Variants in PXDNL observed in about 807,000 individuals in gnomAD.
PXDNL encodes probable oxidoreductase PXDNL.
PXDNL carries 145 observed loss-of-function variants against 150.8 expected under a neutral mutation model. The observed-to-expected ratio is 0.96, with a 90% CI of 0.84 to 1.10. PXDNL has a LOEUF of 1.10. Among genes scored for constraint, PXDNL ranks in the 50% least tolerant of loss-of-function variants. The pLI, the probability that PXDNL is intolerant of heterozygous loss-of-function variation, is 0.00. For missense variants in PXDNL, 2,087 were observed against 1,873.9 expected, an observed-to-expected ratio of 1.11 and a Z score of -2.10; for synonymous variants, 757 against 725.7, an observed-to-expected ratio of 1.04 and a Z score of -0.69.
chr8:51,352,934 G>A (rs1008035106), intron 19 of PXDNL, among the ~76,000 whole-genome samples: 3 of 152,104 alleles, frequency 2.0e-5, no homozygotes, highest in African/African-American at 4.8e-5. Flanking sequence ...GGAATAACAT[G>A]CTGGAGACTC....
chr8:51,608,059 AAGCAAGCAAGCAAGCAAGC>A (rs1563481801), intron 2 of PXDNL, among the ~76,000 whole-genome samples: 29 of 107,838 alleles, frequency 2.7e-4, no homozygotes, highest in East Asian at 1.3e-3. Flanking sequence ...GAAAGAAAGC[AAGCAAGCAAGCAAGCAAGC>A]AAGCAAGCAA....
intron 1 of PXDNL, among the ~76,000 whole-genome samples, chr8:51,803,705 A>T (rs1350697445): frequency 6.6e-6 from 1 of 152,168 alleles, no homozygotes; most frequent in Middle Eastern, 3.2e-3. Flanking sequence ...ACCACTGGTG[A>T]CCGTCCTGGC....
intron 4 of PXDNL, among the ~76,000 whole-genome samples, chr8:51,530,771 A>G (rs1585553828): frequency 6.6e-6 from 1 of 152,254 alleles, no homozygotes; most frequent in Middle Eastern, 3.4e-3. Flanking sequence ...CCTACACCCT[A>G]TTTAACACCA....
At chr8:51,719,712 A>T (rs1024048555) in intron 1 of PXDNL, among the ~76,000 whole-genome samples, 11 of 152,120 alleles carry the variant, frequency 7.2e-5, no homozygotes, top group Non-Finnish European at 1.2e-4. Flanking sequence ...TTTTTAAAAA[A>T]ATATTGAGTT....
chr8:51,662,343 C>A (rs1815292606), intron 1 of PXDNL, among the ~76,000 whole-genome samples: 1 of 151,108 alleles, frequency 6.6e-6, no homozygotes, highest in Non-Finnish European at 1.5e-5. Flanking sequence ...TATGGTGAAA[C>A]CCAGTCTCTA....
intron 17 of PXDNL, among the ~76,000 whole-genome samples, chr8:51,379,005 C>T (rs574822779): frequency 6.6e-6 from 1 of 152,292 alleles, no homozygotes; most frequent in East Asian, 1.9e-4. Flanking sequence ...GCTTCAAGCT[C>T]CTGGGTTCAA....
chr8:51,341,557 C>G (rs1004200853), intron 20 of PXDNL, among the ~76,000 whole-genome samples: 2 of 152,144 alleles, frequency 1.3e-5, no homozygotes, highest in Non-Finnish European at 2.9e-5. Context: ...CAGCGAATCT[C>G]TAGAACTAAT....
chr8:51,332,789 G>A (rs1805727965), intron 21 of PXDNL, among the ~76,000 whole-genome samples: 1 of 152,044 alleles, frequency 6.6e-6, no homozygotes, highest in African/African-American at 2.4e-5. Context: ...CAAAGACAAA[G>A]AAAAAAGAAT....
chr8:51,486,591 T>C (rs931199227), intron 5 of PXDNL, among the ~76,000 whole-genome samples: 1 of 151,464 alleles, frequency 6.6e-6, no homozygotes, highest in Non-Finnish European at 1.5e-5. Flanking sequence ...CAAAAATGTA[T>C]GCTTGTAGTT....
intron 10 of PXDNL, among the ~76,000 whole-genome samples, chr8:51,449,683 C>T (rs757318553): frequency 5.9e-5 from 9 of 152,142 alleles, no homozygotes; most frequent in Non-Finnish European, 1.0e-4. Flanking sequence ...CTAATAGCTG[C>T]ATATGCCATT....
chr8:51,324,718 C>T (rs1805431719), intron 21 of PXDNL, among the ~76,000 whole-genome samples: 1 of 152,106 alleles, frequency 6.6e-6, no homozygotes, highest in Admixed American at 6.6e-5. Flanking sequence ...CGTTTTGAGC[C>T]CATCAACTGA....
chr8:51,580,202 G>A (rs960206485), intron 3 of PXDNL, among the ~76,000 whole-genome samples: 11 of 151,990 alleles, frequency 7.2e-5, no homozygotes, highest in African/African-American at 2.7e-4. Context: ...CAACATGAGG[G>A]ACCTTGGGTG....
chr8:51,492,459 G>A (rs902046006), intron 5 of PXDNL, among the ~76,000 whole-genome samples: 3 of 152,174 alleles, frequency 2.0e-5, no homozygotes, highest in Non-Finnish European at 2.9e-5. Context: ...GCAGCACACT[G>A]AGCATGAGCC....
At chr8:51,762,575 C>A (rs1310648713) in intron 1 of PXDNL, among the ~76,000 whole-genome samples, 2 of 152,226 alleles carry the variant, frequency 1.3e-5, no homozygotes, top group Admixed American at 1.3e-4. Context: ...ACAAACTCAA[C>A]TAATTGTCAA....
Position 51,454,110 on chromosome 8 carries a change from A to T in PXDNL, c.983-325T>A, listed in dbSNP as rs5891413. On this transcript the variant is annotated intron_variant, in intron 9 of 22. Transcript: ENST00000356297. ...AACATTCCTTCTTAAGAATACTCAC[A>T]TTTTTTTAAACACAGTTTAGGCACA... 1.8e-3 allele frequency among the ~76,000 whole-genome samples: 81 copies of T among 44,678 alleles called. No individual in the cohort carries two copies. In the Admixed American group the frequency reaches 0.028, roughly 15 times the overall value. 29.3% of individuals were successfully genotyped at this position (44,678 alleles called of 152,430 possible).
At chr8:51,575,245 G>A (rs1813025431) in intron 3 of PXDNL, among the ~76,000 whole-genome samples, 1 of 151,574 alleles carries the variant, frequency 6.6e-6, no homozygotes, top group African/African-American at 2.4e-5. Flanking sequence ...TAAAAAAGCT[G>A]CACAAAGACA....
chr8:51,771,128 T>G (rs2037288533), intron 1 of PXDNL, among the ~76,000 whole-genome samples: 1 of 152,184 alleles, frequency 6.6e-6, no homozygotes, highest in Non-Finnish European at 1.5e-5. Context: ...AGTTTGATTT[T>G]CAAAAATATG....
At position 51,446,996 on chromosome 8, in the gene PXDNL, T is replaced by C. The variant is rs1809690997; in HGVS notation, c.1525+8A>G. On this transcript the variant is annotated splice_region_variant and intron_variant, in intron 12 of 22. Coordinates refer to ENST00000356297, the MANE Select transcript of PXDNL (RefSeq NM_144651.5). ...CAGAATGTGAATATGAATCACAGTA[T>C]ATATTACCTTTGGGTTTTACAGTCA... 6.2e-7 allele frequency: 1 copy of C among 1,613,642 alleles called. No homozygotes were observed.
In PXDNL at chr8:51,484,924, C is replaced by T. The variant is rs1223208411; in HGVS notation, c.453-1210G>A. ...AGCCTATGTGTGAAGAGAGAAAACA[C>T]GATGGTCTCTGCAATATAGAGAAAA... On this transcript the variant is annotated intron_variant, in intron 5 of 22. Transcript: ENST00000356297. Among the ~76,000 whole-genome samples the T allele has an allele frequency of 5.3e-5, 8 of 152,296 alleles. No individual in the cohort carries two copies. The South Asian group carries it at 8.3e-4, about 16-fold the overall frequency.
Sources: gnomAD v4.1 joint callset for allele counts (sites outside exome capture counted in the v4.1 genomes callset) on GRCh38, gnomAD v4.1.1 for gene constraint, MANE v1.5 for transcripts, NCBI Gene and HGNC (gene_info 2026-07-23, HGNC 2026-07-21) for gene names.